SGPP2: variants seen among roughly 807,000 people sequenced by gnomAD.
SGPP2 encodes sphingosine-1-phosphate phosphatase 2, also known as sphingosine 1-phosphate phosphohydrolase 2.
Under a neutral mutation model 33.9 loss-of-function variants are expected in SGPP2, and 30 were observed. The observed-to-expected ratio is 0.89, with a 90% CI of 0.66 to 1.20. SGPP2 has a LOEUF of 1.20. Ranked by LOEUF, SGPP2 falls within the 50% of genes most tolerant of loss-of-function variation. SGPP2 has a pLI of 0.00. For missense variants in SGPP2, 458 were observed against 532.1 expected, an observed-to-expected ratio of 0.86 and a Z score of 1.37; for synonymous variants, 233 against 225.0, an observed-to-expected ratio of 1.04 and a Z score of -0.32.
chr2:222,459,012 C>G (rs1697615308), intron 1 of SGPP2, among the ~76,000 whole-genome samples: 2 of 152,166 alleles, frequency 1.3e-5, no homozygotes, highest in Admixed American at 1.3e-4. Context: ...AAGAGAATCA[C>G]TCTGGAACCT....
At chr2:222,452,384 T>C (rs1697505016) in intron 1 of SGPP2, 2 of 735,440 alleles carry the variant, frequency 2.7e-6, no homozygotes, top group East Asian at 5.1e-5. Context: ...TTGAGTAATA[T>C]CAATTTCACT....
At chr2:222,440,201 GGCTGTCAACCTTCT>G (rs1697303247) in intron 1 of SGPP2, among the ~76,000 whole-genome samples, 1 of 152,204 alleles carries the variant, frequency 6.6e-6, no homozygotes, top group Non-Finnish European at 1.5e-5. Context: ...TTCAGGGCTT[GGCTGTCAACCTTCT>G]GCTCACTGAC....
intron 4 of SGPP2, among the ~76,000 whole-genome samples, chr2:222,530,464 C>T (rs945840483): frequency 1.3e-5 from 2 of 152,230 alleles, no homozygotes; most frequent in African/African-American, 4.8e-5. Context: ...GCTTCTCTAT[C>T]AGAACTTGCT....
chr2:222,540,044 T>TAGATAAA (rs1261952212), intron 4 of SGPP2, among the ~76,000 whole-genome samples: 3 of 152,238 alleles, frequency 2.0e-5, no homozygotes, highest in African/African-American at 7.2e-5. Flanking sequence ...TCTAGTTCAG[T>TAGATAAA]AGATAAAATG....
intron 1 of SGPP2, among the ~76,000 whole-genome samples, chr2:222,438,839 A>G (rs1697283435): frequency 6.6e-6 from 1 of 151,914 alleles, no homozygotes; most frequent in African/African-American, 2.4e-5. Context: ...ATTGGTTTTG[A>G]TTTACTATTT....
At chr2:222,556,561 C>T (rs1449710943) in intron 4 of SGPP2, among the ~76,000 whole-genome samples, 1 of 130,504 alleles carries the variant, frequency 7.7e-6, no homozygotes, top group Non-Finnish European at 1.6e-5. Context: ...TCACTCCTCC[C>T]CCATCCACCC....
chr2:222,478,743 T>C (rs2106100486), intron 2 of SGPP2, among the ~76,000 whole-genome samples: 1 of 152,314 alleles, frequency 6.6e-6, no homozygotes, highest in East Asian at 1.9e-4. Flanking sequence ...TTAAAAATCT[T>C]GTGTTACATT....
At position 222,474,676 on chromosome 2, in the gene SGPP2, C is replaced by G. The variant is rs1193135713; in HGVS notation, c.328C>G (p.His110Asp). ...VFYITFLPFT[H>D]WNIDPYLSRR... is the part of the protein sequence containing the mutation. ...CTACATCACGTTTCTTCCATTCACT[C>G]ACTGGAATATTGACCCTTATTTATC... The change falls in exon 2 of 5, where the codon CAC (histidine) becomes GAC (aspartate). Residue 110 changes from histidine to aspartate, a missense_variant. His to Asp is a moderately conservative substitution (Grantham distance 81). Transcript: ENST00000321276. 1 of 1,613,816 alleles carries G rather than the reference C, an allele frequency of 6.2e-7. No individual in the cohort carries two copies. The highest frequency in any genetic ancestry group is 1.7e-5 in the Admixed American group (1 of 60,020).
At position 222,517,494 on chromosome 2, in the gene SGPP2, G is replaced by A. The variant is rs548999718; in HGVS notation, c.379-4273G>A. ...TCCAACTCCCCATCCATTCCACAGA[G>A]AGCCACCTTCACCACTCAATAAAAC... On this transcript the variant is annotated intron_variant, in intron 2 of 4. Coordinates refer to ENST00000321276, the MANE Select transcript of SGPP2 (RefSeq NM_152386.4). Among the ~76,000 whole-genome samples, 13 of 152,190 alleles carry A rather than the reference G, an allele frequency of 8.5e-5. No individual in the cohort carries two copies. The South Asian group carries it at 2.7e-3, about 32-fold the overall frequency.
chr2:222,512,907 T>C (rs1698552659), intron 2 of SGPP2, among the ~76,000 whole-genome samples: 1 of 152,250 alleles, frequency 6.6e-6, no homozygotes, highest in South Asian at 2.1e-4. Flanking sequence ...TTCCAAGTTT[T>C]GACAATTAAA....
chr2:222,467,670 A>G (rs1204950462), intron 1 of SGPP2, among the ~76,000 whole-genome samples: 2 of 152,084 alleles, frequency 1.3e-5, no homozygotes, highest in Admixed American at 6.5e-5. Context: ...CAAAACTCCA[A>G]AAGCAAAGCC....
intron 1 of SGPP2, among the ~76,000 whole-genome samples, chr2:222,446,533 A>G (rs377143006): frequency 5.9e-5 from 9 of 152,328 alleles, no homozygotes; most frequent in African/African-American, 2.2e-4. Context: ...TAATAAAAGT[A>G]TGGTTTTCCA....
At chr2:222,472,171 A>G (rs1356253970) in intron 1 of SGPP2, among the ~76,000 whole-genome samples, 1 of 152,180 alleles carries the variant, frequency 6.6e-6, no homozygotes, top group African/African-American at 2.4e-5. Flanking sequence ...TTTTTCTAAC[A>G]TCTTTGTATT....
chr2:222,453,581 G>GA lies in SGPP2; in HGVS notation c.220-20977dup, dbSNP rs962984337. 2.7e-3 allele frequency among the ~76,000 whole-genome samples: 400 copies of GA among 145,812 alleles called. 3 individuals carry two copies. The highest frequency in any genetic ancestry group is 9.0e-3 in the African/African-American group (358 of 39,812). On this transcript the variant is annotated intron_variant, in intron 1 of 4. Transcript: ENST00000321276. ...TCAGCCTACTCAACATGAAGACAAG[G>GA]AAAAAAAAAATGTGATGATCTACTT...
chr2:222,472,022 A>G (rs1160605437), intron 1 of SGPP2, among the ~76,000 whole-genome samples: 2 of 152,290 alleles, frequency 1.3e-5, no homozygotes, highest in Admixed American at 6.5e-5. Context: ...TAGGAAGAAA[A>G]GGATGATAAA....
chr2:222,426,300 G>A (rs1428914237), intron 1 of SGPP2, among the ~76,000 whole-genome samples: 2 of 150,968 alleles, frequency 1.3e-5, no homozygotes, highest in African/African-American at 2.4e-5. Flanking sequence ...TGACATATTC[G>A]GTGCACACAC....
At chr2:222,450,617 A>G (rs1325171753) in intron 1 of SGPP2, among the ~76,000 whole-genome samples, 4 of 152,208 alleles carry the variant, frequency 2.6e-5, no homozygotes, top group Non-Finnish European at 4.4e-5. Context: ...CGAATTGCTT[A>G]CTGATGGTGC....
chr2:222,499,512 C>A (rs907300772), intron 2 of SGPP2, among the ~76,000 whole-genome samples: 1 of 152,172 alleles, frequency 6.6e-6, no homozygotes. Context: ...AACCCCAGGG[C>A]ATGAGAGCAT....
Position 222,561,744 on chromosome 2 carries a change from AC to A in SGPP2, c.*2847del, listed in dbSNP as rs1454655458. ...CTTTTTAAAGTATTTGATTACTGCA[AC>A]TGGAGAATGAAAAGTGTATATTGGT... On this transcript the variant is annotated 3_prime_UTR_variant, in exon 5 of 5. Transcript: ENST00000321276. Among the ~76,000 whole-genome samples the A allele has an allele frequency of 6.6e-6, 1 of 152,064 alleles. No homozygotes were observed. The highest frequency in any genetic ancestry group is 1.5e-5 in the Non-Finnish European group (1 of 68,014).
Sources: gnomAD v4.1 joint callset for allele counts (sites outside exome capture counted in the v4.1 genomes callset) on GRCh38, gnomAD v4.1.1 for gene constraint, MANE v1.5 for transcripts, NCBI Gene and HGNC (gene_info 2026-07-23, HGNC 2026-07-21) for gene names.